The following KLHL13 variants were observed in gnomAD, a reference collection of about 807,000 sequenced individuals.
KLHL13 encodes the protein kelch like family member 13, also known as kelch-like protein 13.
In KLHL13, 10 loss-of-function variants were observed where a neutral mutation model predicts 37.1. The ratio of observed to expected loss-of-function variants is 0.27; its 90% CI spans 0.17 to 0.46. The LOEUF (loss-of-function observed/expected upper bound fraction) is 0.46, where lower values mean the gene tolerates loss of function less well. Among genes scored for constraint, KLHL13 ranks in the 20% least tolerant of loss-of-function variants. The probability of loss-of-function intolerance (pLI) is 1.00; values close to 1 mark genes in which losing one functional copy is unlikely to be tolerated. For synonymous variants in KLHL13, 163 were observed against 181.2 expected (o/e 0.90, Z 0.81); for missense variants, 360 against 509.3 (o/e 0.71, Z 2.82).
intron 1 of KLHL13, among the ~76,000 whole-genome samples, chrX:118,089,568 GAAGA>G (rs1308921800): frequency 2.4e-4 from 20 of 84,563 alleles, no homozygotes; most frequent in South Asian, 5.9e-4. Context: ...ATTTTAAATA[GAAGA>G]AAGAAAAGAA....
intron 1 of KLHL13, among the ~76,000 whole-genome samples, chrX:118,083,497 A>C (rs2055019845): frequency 1.8e-5 from 2 of 111,780 alleles, no homozygotes; most frequent in African/African-American, 6.5e-5. Flanking sequence ...CAAATACCAT[A>C]TGATTCCACT....
At chrX:117,932,446 A>C (rs773651217) in intron 2 of KLHL13, among the ~76,000 whole-genome samples, 3 of 110,826 alleles carry the variant, frequency 2.7e-5, no homozygotes, top group African/African-American at 9.9e-5. Flanking sequence ...TTTCTCTTTC[A>C]TTGCCTGATT....
chrX:118,102,534 G>C (rs145204106), intron 1 of KLHL13, among the ~76,000 whole-genome samples: 3,246 of 112,075 alleles, frequency 0.029, 112 homozygotes, highest in African/African-American at 0.098. Context: ...ATAATGCTGT[G>C]AGTACCTCAT....
At position 117,945,401 on chromosome X, in the gene KLHL13, C is replaced by A. The variant is rs184092858; in HGVS notation, c.240+33G>T. The A allele has an allele frequency of 1.2e-4, 144 of 1,189,615 alleles. 1 individual carries two copies. The African/African-American group carries it at 2.2e-3, about 18-fold the overall frequency. On this transcript the variant is annotated intron_variant, in intron 2 of 6. Coordinates refer to ENST00000262820, the Ensembl canonical transcript of KLHL13. ...ATCCATGGTGGGTTTTTTAAAGCTA[C>A]GTAAACACTACCAAAGAGACAGCTT...
chrX:118,055,561 AAAGT>A (rs1471625963), intron 1 of KLHL13, among the ~76,000 whole-genome samples: 1 of 111,918 alleles, frequency 8.9e-6, no homozygotes, highest in Non-Finnish European at 1.9e-5. Flanking sequence ...AAACTGATGT[AAAGT>A]AAGTGAGGGT....
intron 1 of KLHL13, among the ~76,000 whole-genome samples, chrX:118,102,926 A>G (rs1325389962): frequency 8.9e-6 from 1 of 112,010 alleles, no homozygotes; most frequent in Non-Finnish European, 1.9e-5. Context: ...CAATATTCAC[A>G]TTACTCAAAA....
chrX:118,080,051 A>G (rs759003535), intron 1 of KLHL13, among the ~76,000 whole-genome samples: 2 of 111,839 alleles, frequency 1.8e-5, no homozygotes, highest in Non-Finnish European at 3.8e-5. Flanking sequence ...TATTCAATAA[A>G]TGGTGCTGGG....
intron 1 of KLHL13, among the ~76,000 whole-genome samples, chrX:118,083,994 A>G (rs945390430): frequency 7.1e-5 from 8 of 112,093 alleles, no homozygotes; most frequent in Middle Eastern, 4.6e-3. Context: ...AAAATAAATG[A>G]AATAGAAAAC....
chrX:118,029,774 G>C (rs1016079780), intron 1 of KLHL13, among the ~76,000 whole-genome samples: 1 of 110,870 alleles, frequency 9.0e-6, no homozygotes, highest in Admixed American at 9.7e-5. Flanking sequence ...TTTGAGACCA[G>C]CCTGGACAAT....
At chrX:117,981,004 G>A (rs1030846813) in intron 1 of KLHL13, among the ~76,000 whole-genome samples, 4 of 111,542 alleles carry the variant, frequency 3.6e-5, no homozygotes, top group African/African-American at 9.8e-5. Flanking sequence ...GATCCTTTTC[G>A]TTTTCCAATT....
chrX:118,094,801 G>T (rs2055181964), intron 1 of KLHL13, among the ~76,000 whole-genome samples: 1 of 111,020 alleles, frequency 9.0e-6, no homozygotes, highest in Non-Finnish European at 1.9e-5. Context: ...AGCTTCATAA[G>T]TGAAGGAGAA....
At chrX:117,981,262 T>C (rs2053658513) in intron 1 of KLHL13, among the ~76,000 whole-genome samples, 1 of 112,297 alleles carries the variant, frequency 8.9e-6, no homozygotes, top group Admixed American at 9.4e-5. Context: ...GTTTTGGCAT[T>C]AGGTTTAGCT....
At position 118,018,254 on chromosome X, in the gene KLHL13, A is replaced by G. The variant is rs369680872; in HGVS notation, c.-55-72679T>C. Among the ~76,000 whole-genome samples the G allele has an allele frequency of 1.5e-3, 170 of 111,406 alleles. 3 individuals are homozygous for G. Among genetic ancestry groups the G allele is most frequent in the African/African-American group, 5.4e-3 (165 of 30,782 alleles). On this transcript the variant is annotated intron_variant, in intron 1 of 6. Coordinates refer to the KLHL13 transcript ENST00000371882. ...TTTCCACCTACCTTATTAATTTTTC[A>G]TAACAATTTTCTTCGTGATATATAT... is the stretch of plus-strand genomic sequence containing the variant.
chrX:118,002,328 G>C (rs1006856155), intron 1 of KLHL13, among the ~76,000 whole-genome samples: 1 of 110,623 alleles, frequency 9.0e-6, no homozygotes, highest in Non-Finnish European at 1.9e-5. Flanking sequence ...CAGGCGCGGT[G>C]GCTCACACCT....
chrX:118,102,834 T>C (rs1386586482), intron 1 of KLHL13, among the ~76,000 whole-genome samples: 1 of 111,765 alleles, frequency 8.9e-6, no homozygotes, highest in African/African-American at 3.3e-5. Flanking sequence ...AATCAAACTA[T>C]TGTGAAGTAA....
chrX:118,070,430 C>T (rs2054845704), intron 1 of KLHL13, among the ~76,000 whole-genome samples: 1 of 112,079 alleles, frequency 8.9e-6, no homozygotes, highest in South Asian at 3.7e-4. Flanking sequence ...ATATTTTTAG[C>T]ATAATTGCAC....
chrX:118,082,188 A>G (rs2055002985), intron 1 of KLHL13, among the ~76,000 whole-genome samples: 1 of 110,908 alleles, frequency 9.0e-6, no homozygotes, highest in African/African-American at 3.3e-5. Flanking sequence ...GAACCTTCAC[A>G]CTATTTTCCA....
chrX:118,005,702 C>A (rs1372634900), intron 1 of KLHL13, among the ~76,000 whole-genome samples: 2 of 111,572 alleles, frequency 1.8e-5, no homozygotes, highest in Admixed American at 1.9e-4. Flanking sequence ...CTGGGAAAGG[C>A]AAGGAAACGG....
chrX:117,899,463 T>C, intron 6 of KLHL13, 68 bp from the exon 8 acceptor site: 1 of 964,010 alleles, frequency 1.0e-6, no homozygotes, highest in African/African-American at 1.9e-5. Context: ...AAAGGAGCTC[T>C]GTCACAGATA....
Sources: gnomAD v4.1 joint callset for allele counts (sites outside exome capture counted in the v4.1 genomes callset) on GRCh38, gnomAD v4.1.1 for gene constraint, MANE v1.5 for transcripts, NCBI Gene and HGNC (gene_info 2026-07-23, HGNC 2026-07-21) for gene names.